UHRF2: variants seen among roughly 807,000 people sequenced by gnomAD.
The protein encoded by UHRF2 is ubiquitin like with PHD and ring finger domains 2.
A neutral mutation model predicts 96.8 loss-of-function variants in UHRF2; 23 were observed. The ratio of observed to expected loss-of-function variants is 0.24; its 90% confidence interval spans 0.17 to 0.34. UHRF2 has a LOEUF of 0.34. Among genes scored for constraint, UHRF2 ranks in the 10% least tolerant of loss-of-function variants. The pLI is 1.00. For missense variants in UHRF2, 685 were observed against 981.5 expected (o/e 0.70, Z 4.04); for synonymous variants, 385 against 332.6 (o/e 1.16, Z -1.72).
intron 14 of UHRF2, among the ~76,000 whole-genome samples, chr9:6,501,253 A>G (rs1003837337): frequency 6.6e-6 from 1 of 152,230 alleles, no homozygotes; most frequent in East Asian, 1.9e-4. Flanking sequence ...TTTTGCAAAC[A>G]AGCCCTTCTT....
intron 3 of UHRF2, among the ~76,000 whole-genome samples, chr9:6,443,675 A>C (rs1821322285): frequency 6.6e-6 from 1 of 152,208 alleles, no homozygotes; most frequent in South Asian, 2.1e-4. Flanking sequence ...GGGGGAGAAC[A>C]CATACTTTTT....
At chr9:6,481,599 TATGGTATTGTGAAA>T in intron 6 of UHRF2, 30 bp from the exon 7 acceptor site, 1 of 1,596,926 alleles carries the variant, frequency 6.3e-7, no homozygotes, top group Non-Finnish European at 8.5e-7. Context: ...CTAGCTTTAA[TATGGTATTGTGAAA>T]ATGCCTTCGT....
At chr9:6,496,891 T>C (rs777530001) in intron 10 of UHRF2, 8 of 214,712 alleles carry the variant, frequency 3.7e-5, no homozygotes, top group Non-Finnish European at 7.3e-5. Context: ...ACAAACGTTA[T>C]TTAAAGAAAA....
intron 15 of UHRF2, among the ~76,000 whole-genome samples, chr9:6,505,005 T>C (rs1816510140): frequency 6.6e-6 from 1 of 152,174 alleles, no homozygotes; most frequent in South Asian, 2.1e-4. Flanking sequence ...TAGCGCAAAC[T>C]GGAGTGTTTT....
At position 6,413,450 on chromosome 9, in the gene UHRF2, AGG is replaced by A. The variant is rs1563733310; in HGVS notation, c.-37_-36del. The A allele has an allele frequency of 6.9e-7, 1 of 1,442,806 alleles. No homozygotes were observed. The highest frequency in any genetic ancestry group is 9.2e-7 in the Non-Finnish European group (1 of 1,082,606). 89.4% of individuals were successfully genotyped at this position (1,442,806 alleles called of 1,614,324 possible). On this transcript the variant is annotated 5_prime_UTR_variant, in exon 1 of 16. Transcript: ENST00000276893. ...GGGCGGGGCGCGGCGCCCAGAGCTC[AGG>A]GGGAGACAAAGGGGACCGGTTCCTC...
In UHRF2 at chr9:6,506,141, C is replaced by T. The variant is rs555863329; in HGVS notation, c.2371C>T (p.Leu791Phe). 6.2e-7 allele frequency: 1 copy of T among 1,614,180 alleles called. No homozygotes were observed. Among genetic ancestry groups the T allele is most frequent in the South Asian group, 1.1e-5 (1 of 91,082 alleles). Residue 791 changes from leucine (L) to phenylalanine (F), a missense_variant, in exon 16 of 16, where the codon CTT (leucine) becomes TTT (phenylalanine). This residue lies in a region of UHRF2 where 71 missense variants were observed against 114.1 expected (regional missense o/e 0.62). Coordinates refer to ENST00000276893, the MANE Select transcript of UHRF2 (RefSeq NM_152896.3). Reference protein sequence around the residue: ...MIPNEILQTLLDLFFPGYSKG... With the variant: ...MIPNEILQTLFDLFFPGYSKG... ...TCCCAATGAGATTCTGCAGACTCTA[C>T]TTGACCTTTTCTTCCCTGGCTACAG...
chr9:6,430,594 A>G (rs1587777956), intron 2 of UHRF2, among the ~76,000 whole-genome samples: 2 of 152,074 alleles, frequency 1.3e-5, no homozygotes, highest in East Asian at 3.9e-4. Flanking sequence ...GAGTCCATGC[A>G]CTTAACTACC....
chr9:6,465,068 C>T lies in UHRF2; in HGVS notation c.863+4277C>T, dbSNP rs1587833258. Among the ~76,000 whole-genome samples, 4 of 152,148 alleles carry T rather than the reference C, an allele frequency of 2.6e-5. No homozygotes were observed. The South Asian group carries it at 8.3e-4, about 32-fold the overall frequency. On this transcript the variant is annotated intron_variant, in intron 4 of 15. Coordinates refer to ENST00000276893, the MANE Select transcript of UHRF2 (RefSeq NM_152896.3). ...TTTTCTTTACTTTTGATTTCTTCTT[C>T]TTGTCCTTATTCACCAGTTGGGCCC...
intron 5 of UHRF2, among the ~76,000 whole-genome samples, chr9:6,476,330 C>T (rs118131406): frequency 6.6e-6 from 1 of 152,054 alleles, no homozygotes; most frequent in Non-Finnish European, 1.5e-5. Context: ...AAGAAAAAGC[C>T]TGTTTCTGTA....
At chr9:6,463,156 C>T (rs1216003519) in intron 4 of UHRF2, among the ~76,000 whole-genome samples, 1 of 152,066 alleles carries the variant, frequency 6.6e-6, no homozygotes, top group Non-Finnish European at 1.5e-5. Context: ...TGTTGCATGC[C>T]TGTAATCCCA....
chr9:6,458,869 A>C (rs1300048598), intron 3 of UHRF2, among the ~76,000 whole-genome samples: 1 of 152,256 alleles, frequency 6.6e-6, no homozygotes, highest in East Asian at 1.9e-4. Flanking sequence ...CATATACACC[A>C]TGGAATACTA....
chr9:6,437,958 T>C (rs1445447218), intron 3 of UHRF2, among the ~76,000 whole-genome samples: 6 of 152,222 alleles, frequency 3.9e-5, no homozygotes, highest in South Asian at 4.1e-4. Context: ...ATGATGCTGC[T>C]GTTGTACTGG....
intron 4 of UHRF2, among the ~76,000 whole-genome samples, chr9:6,466,217 A>AG (rs756689599): frequency 5.9e-5 from 9 of 152,132 alleles, no homozygotes; most frequent in Non-Finnish European, 1.0e-4. Context: ...CCTGGCCAGC[A>AG]GGGTGAAACC....
At chr9:6,448,868 G>C (rs1821679260) in intron 3 of UHRF2, among the ~76,000 whole-genome samples, 1 of 152,166 alleles carries the variant, frequency 6.6e-6, no homozygotes, top group African/African-American at 2.4e-5. Context: ...TCAAAAAATA[G>C]GAAGAGCCTT....
At position 6,497,346 on chromosome 9, in the gene UHRF2, G is replaced by A; in HGVS notation, c.1753G>A (p.Asp585Asn). Residue 585 changes from aspartate to asparagine, a missense_variant, in exon 11 of 16, where the codon GAT (aspartate) becomes AAT (asparagine). Around this residue, in one of 6 missense-constraint regions of UHRF2, gnomAD observed 73 missense variants for 283.7 expected, o/e 0.26. Transcript: ENST00000276893. ...KYAPEEGNRY[D>N]GIYKVVKYWP... is the part of the protein sequence containing the mutation. ...TGCTCCTGAAGAAGGCAACAGATAT[G>A]ATGGCATTTATAAGGTGCTCTATCT... 6.2e-7 allele frequency: 1 copy of A among 1,613,626 alleles called. No individual in the cohort carries two copies. The highest frequency in any genetic ancestry group is 8.5e-7 in the Non-Finnish European group (1 of 1,179,782).
chr9:6,460,298 T>C (rs1822456506), intron 3 of UHRF2, among the ~76,000 whole-genome samples: 1 of 152,204 alleles, frequency 6.6e-6, no homozygotes, highest in African/African-American at 2.4e-5. Context: ...AACACTTACT[T>C]GCCTGACAAC....
intron 3 of UHRF2, among the ~76,000 whole-genome samples, chr9:6,443,378 CTGAGGT>C (rs1473263167): frequency 6.6e-6 from 1 of 152,172 alleles, no homozygotes; most frequent in Admixed American, 6.5e-5. Context: ...GTGGGAATAA[CTGAGGT>C]TTAAAGAAGT....
chr9:6,439,213 C>T (rs1821017902), intron 3 of UHRF2, among the ~76,000 whole-genome samples: 1 of 152,114 alleles, frequency 6.6e-6, no homozygotes, highest in South Asian at 2.1e-4. Flanking sequence ...TTGAGACAGC[C>T]CTGCTCTATG....
chr9:6,431,964 G>C (rs1303995974), intron 2 of UHRF2, among the ~76,000 whole-genome samples: 2 of 152,188 alleles, frequency 1.3e-5, no homozygotes, highest in Non-Finnish European at 2.9e-5. Flanking sequence ...CGACAGAGTA[G>C]TAACCTCAGT....
Sources: allele counts gnomAD v4.1 joint callset (sites outside exome capture counted in the v4.1 genomes callset), GRCh38; gene constraint gnomAD v4.1.1; regional missense constraint gnomAD v4.1.1; transcripts MANE v1.5; gene names NCBI Gene and HGNC (gene_info 2026-07-23, HGNC 2026-07-21).